SBF2: variants seen among roughly 807,000 people sequenced by gnomAD.
The protein encoded by SBF2 is myotubularin-related protein 13.
A neutral mutation model predicts 225.2 loss-of-function variants in SBF2; 112 were observed. That is an observed-to-expected ratio of 0.50 (90% CI 0.43 to 0.58). The LOEUF is 0.58. Ranked by LOEUF, SBF2 falls within the 20% of genes least tolerant of loss-of-function variation. The pLI is 0.00. For synonymous variants in SBF2, 763 were observed against 773.3 expected, an observed-to-expected ratio of 0.99 and a Z score of 0.22; for missense variants, 1,996 against 2,206.2, an observed-to-expected ratio of 0.90 and a Z score of 1.91.
chr11:10,266,429 C>T (rs1961995121), intron 1 of SBF2, among the ~76,000 whole-genome samples: 1 of 152,184 alleles, frequency 6.6e-6, no homozygotes, highest in Non-Finnish European at 1.5e-5. Context: ...CAACAGGACC[C>T]AGGCTAGATA....
intron 2 of SBF2, among the ~76,000 whole-genome samples, chr11:10,050,911 T>C (rs1950037772): frequency 6.6e-6 from 1 of 152,134 alleles, no homozygotes; most frequent in Non-Finnish European, 1.5e-5. Flanking sequence ...CAGTTGACCA[T>C]GGGTAAATAA....
chr11:10,171,043 A>C (rs910084287), intron 2 of SBF2, among the ~76,000 whole-genome samples: 2 of 152,090 alleles, frequency 1.3e-5, no homozygotes, highest in Non-Finnish European at 2.9e-5. Flanking sequence ...TTTTTGGTGA[A>C]GTGTTTACAT....
chr11:10,068,373 A>G (rs1950715476), intron 2 of SBF2, among the ~76,000 whole-genome samples: 1 of 152,204 alleles, frequency 6.6e-6, no homozygotes. Context: ...AGGGTCCTAC[A>G]TACCACTGAC....
chr11:10,104,080 C>T (rs1952441520), intron 2 of SBF2, among the ~76,000 whole-genome samples: 1 of 149,124 alleles, frequency 6.7e-6, no homozygotes, highest in African/African-American at 2.5e-5. Flanking sequence ...GAGTGAGACC[C>T]TGTCTCAGAA....
intron 6 of SBF2, among the ~76,000 whole-genome samples, chr11:10,014,527 AAC>A (rs1491030291): frequency 1.9e-4 from 28 of 144,672 alleles, no homozygotes; most frequent in African/African-American, 8.1e-5. Flanking sequence ...AAAAAAAAAA[AAC>A]GAAAATGGAG....
chr11:10,298,640 G>T (rs1964569505), upstream of SBF2, among the ~76,000 whole-genome samples: 1 of 152,206 alleles, frequency 6.6e-6, no homozygotes, highest in South Asian at 2.1e-4. Flanking sequence ...TAACAAAGGA[G>T]ACTATGCAGC....
intron 26 of SBF2, among the ~76,000 whole-genome samples, chr11:9,835,375 T>C (rs797003083): frequency 7.2e-5 from 11 of 152,128 alleles, no homozygotes; most frequent in African/African-American, 1.7e-4. Flanking sequence ...TCCCAGCACT[T>C]TGGGAGGCCC....
chr11:9,786,027 T>A (rs1237429744), intron 36 of SBF2, among the ~76,000 whole-genome samples: 1 of 152,082 alleles, frequency 6.6e-6, no homozygotes, highest in Non-Finnish European at 1.5e-5. Flanking sequence ...CTACCATGCC[T>A]GGCTAATTTT....
chr11:10,165,490 T>C (rs1157712391), intron 2 of SBF2, among the ~76,000 whole-genome samples: 1 of 152,200 alleles, frequency 6.6e-6, no homozygotes, highest in African/African-American at 2.4e-5. Flanking sequence ...TCCAATATGA[T>C]CTGTTGCAAA....
intron 2 of SBF2, among the ~76,000 whole-genome samples, chr11:10,155,541 T>C (rs1379409636): frequency 6.6e-6 from 1 of 152,152 alleles, no homozygotes; most frequent in Non-Finnish European, 1.5e-5. Flanking sequence ...GTCTAGAACT[T>C]TATGTGTTCT....
rs1019429493 is a variant in SBF2, at chr11:9,993,965, C to T, written c.1009G>A (p.Ala337Thr). The stretch of plus-strand genomic sequence containing the variant: ...AAAGCTGTTCGTGGAGGAGGAAAAG[C>T]ATGATCTGCTACTTCCAAATCTGGG... ...LHPDLEVADHAFPPPRTALSH... is the reference protein window; with the variant it reads ...LHPDLEVADHTFPPPRTALSH... Residue 337 changes from alanine (A) to threonine (T), a missense_variant, in exon 10 of 40, where the codon GCT (alanine) becomes ACT (threonine). Physicochemically the swap from Ala to Thr is moderately conservative, Grantham distance 58 (BLOSUM62 0). Transcript: ENST00000256190. 1 of 1,217,854 alleles carries T rather than the reference C, an allele frequency of 8.2e-7. No homozygotes were observed. The highest frequency in any genetic ancestry group is 1.5e-5 in the African/African-American group (1 of 67,326). 75.4% of individuals were successfully genotyped at this position (1,217,854 alleles called of 1,614,324 possible).
intron 17 of SBF2, among the ~76,000 whole-genome samples, chr11:9,882,024 T>C (rs2134086134): frequency 6.6e-6 from 1 of 152,282 alleles, no homozygotes; most frequent in East Asian, 1.9e-4. Flanking sequence ...GTGTTGTTTT[T>C]CCACAGCTCT....
intron 13 of SBF2, among the ~76,000 whole-genome samples, chr11:9,976,706 TG>T (rs1200489272): frequency 9.8e-5 from 15 of 152,298 alleles, no homozygotes; most frequent in Admixed American, 3.3e-4. Context: ...TTACAAAAAC[TG>T]TACTATGTAA....
chr11:10,246,209 G>A (rs903871650), intron 1 of SBF2, among the ~76,000 whole-genome samples: 9 of 152,150 alleles, frequency 5.9e-5, no homozygotes, highest in Non-Finnish European at 1.3e-4. Context: ...CTGTAGTGAC[G>A]CTTTAAAAGG....
chr11:9,882,030 G>A (rs1859807543), intron 17 of SBF2, among the ~76,000 whole-genome samples: 1 of 152,140 alleles, frequency 6.6e-6, no homozygotes, highest in Non-Finnish European at 1.5e-5. Context: ...TTTTTCCACA[G>A]CTCTCCTTGT....
chr11:10,133,593 C>T (rs1251015037), intron 2 of SBF2, among the ~76,000 whole-genome samples: 2 of 141,194 alleles, frequency 1.4e-5, no homozygotes, highest in South Asian at 2.3e-4. Context: ...TGCCTGGCTG[C>T]TCCGAGTGCG....
chr11:9,958,940 G>A, intron 16 of SBF2: 4 of 695,080 alleles, frequency 5.8e-6, no homozygotes, highest in Non-Finnish European at 7.9e-6. Context: ...GATGTTAGAA[G>A]TTTCATGGGA....
intron 2 of SBF2, among the ~76,000 whole-genome samples, chr11:10,189,949 C>T (rs879883844): frequency 3.3e-5 from 5 of 151,998 alleles, no homozygotes; most frequent in Admixed American, 6.5e-5. Flanking sequence ...GTCAGGAGTT[C>T]GAGACCAGCC....
At chr11:9,811,855 C>T (rs774672872) in intron 30 of SBF2, among the ~76,000 whole-genome samples, 4 of 151,948 alleles carry the variant, frequency 2.6e-5, no homozygotes, top group Non-Finnish European at 5.9e-5. Flanking sequence ...GCAGCTCATG[C>T]CTGTAATCAC....
Sources: allele counts gnomAD v4.1 joint callset (sites outside exome capture counted in the v4.1 genomes callset), GRCh38; gene constraint gnomAD v4.1.1; transcripts MANE v1.5; gene names NCBI Gene and HGNC (gene_info 2026-07-23, HGNC 2026-07-21).